The following VSIG1 variants were observed in gnomAD, a reference collection of about 807,000 sequenced individuals.
The protein encoded by VSIG1 is V-set and immunoglobulin domain-containing protein 1.
A neutral mutation model predicts 20.1 loss-of-function variants in VSIG1; 11 were observed. The observed-to-expected ratio is 0.55, with a 90% confidence interval of 0.34 to 0.91. The LOEUF (loss-of-function observed/expected upper bound fraction) is 0.91, where lower values mean the gene tolerates loss of function less well. VSIG1 is among the 40% of genes least tolerant of loss of function. VSIG1 has a pLI of 0.02. For synonymous variants in VSIG1, 126 were observed against 116.7 expected (o/e 1.08, Z -0.52); for missense variants, 283 against 298.8 (o/e 0.95, Z 0.39).
Position 108,058,062 on chromosome X carries a change from C to A in VSIG1, c.74C>A (p.Thr25Asn). The A allele has an allele frequency of 2.5e-6, 3 of 1,209,388 alleles. No homozygotes were observed. Among genetic ancestry groups the A allele is most frequent in the Non-Finnish European group, 3.4e-6 (3 of 894,392 alleles). ...GGTCAGGTTAGTGTGGTGCAAGTGA[C>A]CATCCCAGACGGTTTCGTGAACGTG... ...LAGQVSVVQV[T>N]IPDGFVNVTV... Residue 25 changes from threonine (T) to asparagine (N), a missense_variant, in exon 2 of 7, where the codon ACC (threonine) becomes AAC (asparagine). Transcript: ENST00000217957.
At chrX:108,061,624 G>T in intron 2 of VSIG1, 3 of 761,187 alleles carry the variant, frequency 3.9e-6, no homozygotes, top group Non-Finnish European at 5.9e-6. Flanking sequence ...GGGATGGGAG[G>T]GTCTGACTTT....
rs755231119 is a variant in VSIG1, at chrX:108,072,516, T to C, written c.413-161T>C. ...GATCCACCTACCTCGGCCTTCCAAA[T>C]TGCTGGGATTACAGGCATGAGCCAC... On this transcript the variant is annotated intron_variant, in intron 3 of 6. Coordinates refer to ENST00000217957, the MANE Select transcript of VSIG1 (RefSeq NM_182607.5). 7.2e-5 allele frequency among the ~76,000 whole-genome samples: 8 copies of C among 111,780 alleles called. No individual in the cohort carries two copies. The East Asian group carries it at 2.2e-3, about 31-fold the overall frequency.
At chrX:108,046,730 T>C (rs1213121376) in intron 1 of VSIG1, among the ~76,000 whole-genome samples, 2 of 111,824 alleles carry the variant, frequency 1.8e-5, no homozygotes, top group African/African-American at 3.2e-5. Flanking sequence ...CAGGTGTATA[T>C]ATTACATTTT....
At chrX:108,024,670 A>G in the VSIG1 span, among the ~76,000 whole-genome samples, 1 of 110,362 alleles carries the variant, frequency 9.1e-6, no homozygotes, top group East Asian at 2.8e-4. Flanking sequence ...TCATCATTTC[A>G]AAGTATTTTC....
chrX:108,065,139 CT>C (rs2147929545), intron 2 of VSIG1, among the ~76,000 whole-genome samples: 1 of 112,121 alleles, frequency 8.9e-6, no homozygotes, highest in Admixed American at 9.4e-5. Context: ...GGATTTTTCC[CT>C]CAAAATCCAG....
upstream of VSIG1, among the ~76,000 whole-genome samples, chrX:108,041,707 C>A (rs1003540968): frequency 6.6e-5 from 7 of 106,588 alleles, no homozygotes; most frequent in African/African-American, 2.1e-4. Context: ...CCTCTGTATC[C>A]TTGTTTGTCC....
chrX:108,029,267 GGAT>G, the VSIG1 span, among the ~76,000 whole-genome samples: 1 of 111,481 alleles, frequency 9.0e-6, no homozygotes, highest in East Asian at 2.8e-4. Context: ...TGCTACAGCG[GGAT>G]GATTGCAGGT....
In VSIG1 at chrX:108,047,764, TTCTC is replaced by T. The variant is rs1178957774; in HGVS notation, c.49+2609_49+2612del. 1.8e-3 allele frequency among the ~76,000 whole-genome samples: 112 copies of T among 61,207 alleles called. 3 individuals carry two copies. The highest frequency in any genetic ancestry group is 0.011 in the East Asian group (21 of 1,933). The allele number at this position is 61,207 out of a possible 115,157, so 53.2% of individuals were successfully genotyped here. A position where few individuals can be genotyped will look rare whatever the true frequency, so the allele number is the denominator to read the frequency against. ...ACAATCACCACCAAAATACAAGACATTCTCTCTCTCTCTCTCTCTCTCTCTCTAT... is the reference window on the plus strand; with the variant it reads ...ACAATCACCACCAAAATACAAGACATTCTCTCTCTCTCTCTCTCTCTCTAT... On this transcript the variant is annotated intron_variant, in intron 1 of 6. Coordinates refer to ENST00000217957, the MANE Select transcript of VSIG1 (RefSeq NM_182607.5).
At chrX:108,076,788 T>G (rs1047488702) in intron 6 of VSIG1, among the ~76,000 whole-genome samples, 10 of 112,067 alleles carry the variant, frequency 8.9e-5, no homozygotes, top group Non-Finnish European at 1.9e-4. Flanking sequence ...CCTTATTAGA[T>G]TCTTAGACTC....
At chrX:108,035,776 T>C in the VSIG1 span, among the ~76,000 whole-genome samples, 2 of 110,049 alleles carry the variant, frequency 1.8e-5, no homozygotes, top group African/African-American at 6.6e-5. Context: ...AGCAAGAGCG[T>C]GACCCTGGGG....
chrX:108,072,210 A>G (rs886798930), intron 3 of VSIG1, among the ~76,000 whole-genome samples: 4 of 110,057 alleles, frequency 3.6e-5, no homozygotes, highest in African/African-American at 1.3e-4. Flanking sequence ...CTCTACTCCC[A>G]CCTGGTGGTG....
chrX:108,052,589 C>T (rs1265390797), intron 1 of VSIG1, among the ~76,000 whole-genome samples: 1 of 110,931 alleles, frequency 9.0e-6, no homozygotes, highest in African/African-American at 3.3e-5. Context: ...GCACTCCAAC[C>T]TGGGTGACAG....
At chrX:108,026,961 A>T in the VSIG1 span, among the ~76,000 whole-genome samples, 32 of 112,081 alleles carry the variant, frequency 2.9e-4, no homozygotes, top group South Asian at 1.5e-3. Context: ...GGCAATGCAA[A>T]TCAAAACCAC....
the VSIG1 span, among the ~76,000 whole-genome samples, chrX:108,030,671 T>C: frequency 8.9e-6 from 1 of 112,253 alleles, no homozygotes; most frequent in Non-Finnish European, 1.9e-5. Context: ...CAGCGGAGAC[T>C]CCTCATCTCT....
chrX:108,050,460 C>T (rs1054097808), intron 1 of VSIG1, among the ~76,000 whole-genome samples: 2 of 112,060 alleles, frequency 1.8e-5, no homozygotes, highest in African/African-American at 6.5e-5. Flanking sequence ...CTGCCAATCC[C>T]GTGACCCATC....
chrX:108,076,051 A>G, intron 5 of VSIG1, 26 bp from the exon 6 acceptor site: 7 of 1,208,511 alleles, frequency 5.8e-6, no homozygotes, highest in Non-Finnish European at 7.8e-6. Flanking sequence ...ATTCCACTTT[A>G]TTAACCAGCT....
the VSIG1 span, among the ~76,000 whole-genome samples, chrX:108,037,270 AT>A: frequency 8.9e-6 from 1 of 112,455 alleles, no homozygotes; most frequent in Admixed American, 9.4e-5. Context: ...AGAAAGTTCA[AT>A]CAATAAATTC....
the VSIG1 span, among the ~76,000 whole-genome samples, chrX:108,029,021 A>C: frequency 9.0e-6 from 1 of 111,641 alleles, no homozygotes; most frequent in African/African-American, 3.3e-5. Flanking sequence ...TCCTCGGAGA[A>C]GGGGAATTGC....
chrX:108,055,711 AT>A (rs61558360), intron 1 of VSIG1, among the ~76,000 whole-genome samples: 38,198 of 110,580 alleles, frequency 0.35, 5,229 homozygotes, highest in Non-Finnish European at 0.41. Context: ...AAAAAAAAAT[AT>A]GATCATATCA....
Sources: allele counts gnomAD v4.1 joint callset (sites outside exome capture counted in the v4.1 genomes callset), GRCh38; gene constraint gnomAD v4.1.1; transcripts MANE v1.5; gene names NCBI Gene and HGNC (gene_info 2026-07-23, HGNC 2026-07-21).